The following TSHZ2 variants were observed in gnomAD, a reference collection of about 807,000 sequenced individuals.
TSHZ2 encodes teashirt zinc finger homeobox 2, also known as teashirt homolog 2.
TSHZ2 carries 21 observed loss-of-function variants against 74.4 expected under a neutral mutation model. That is an observed-to-expected ratio of 0.28 (90% CI 0.20 to 0.41). The LOEUF (loss-of-function observed/expected upper bound fraction) is 0.41, where lower values mean the gene tolerates loss of function less well. Among genes scored for constraint, TSHZ2 ranks in the 10% least tolerant of loss-of-function variants. The pLI, the probability that TSHZ2 is intolerant of heterozygous loss-of-function variation, is 1.00. For synonymous variants in TSHZ2, 540 were observed against 515.3 expected (o/e 1.05, Z -0.65); for missense variants, 1,244 against 1,293.5 (o/e 0.96, Z 0.59).
intron 1 of TSHZ2, 141 bp from the exon 2 acceptor site, chr20:53,253,358 G>C (rs1990371291): frequency 8.4e-7 from 1 of 1,184,668 alleles, no homozygotes; most frequent in African/African-American, 1.5e-5. Flanking sequence ...GGCTTTTCCT[G>C]TGTCCACTGC....
intron 1 of TSHZ2, among the ~76,000 whole-genome samples, chr20:52,993,820 T>A (rs143745396): frequency 6.6e-6 from 1 of 152,334 alleles, no homozygotes; most frequent in East Asian, 1.9e-4. Context: ...CAAACCAATT[T>A]GTGGATTGAG....
chr20:53,354,977 G>A (rs771865397), intron 2 of TSHZ2, among the ~76,000 whole-genome samples: 1 of 152,018 alleles, frequency 6.6e-6, no homozygotes, highest in Non-Finnish European at 1.5e-5. Context: ...TTGGGCAAGG[G>A]GGTTGGAAGT....
In TSHZ2 at chr20:53,255,251, C is replaced by T. The variant is rs927830838; in HGVS notation, c.1793C>T (p.Thr598Ile). The T allele has an allele frequency of 1.2e-6, 2 of 1,614,114 alleles. No individual in the cohort carries two copies. Among genetic ancestry groups the T allele is most frequent in the Non-Finnish European group, 1.7e-6 (2 of 1,180,046 alleles). ...ATGCCCACACACCTGGCCCCTTACA[C>T]TCAAGTCAAGAAAGAGTCAGAAGAC... ...VSMPTHLAPYTQVKKESEDKD... is the reference protein window; with the variant it reads ...VSMPTHLAPYIQVKKESEDKD... Residue 598 changes from threonine to isoleucine, a missense_variant, in exon 2 of 3, where the codon ACT (threonine) becomes ATT (isoleucine). Thr to Ile is a moderately conservative substitution (Grantham distance 89). Transcript: ENST00000371497. The surrounding 1 kb of genome is among the most constrained non-coding windows in gnomAD (Gnocchi z 4.1).
intron 2 of TSHZ2, among the ~76,000 whole-genome samples, chr20:53,429,895 T>C (rs1382587660): frequency 6.6e-6 from 1 of 152,158 alleles, no homozygotes; most frequent in African/African-American, 2.4e-5. Context: ...AATAATTCTC[T>C]GGGGTGGGCA....
intron 1 of TSHZ2, among the ~76,000 whole-genome samples, chr20:53,072,967 A>G (rs867929909): frequency 3.6e-5 from 4 of 111,674 alleles, no homozygotes; most frequent in Non-Finnish European, 8.8e-5. Flanking sequence ...TCATCCATCT[A>G]TCCCTCCATC....
intron 1 of TSHZ2, among the ~76,000 whole-genome samples, chr20:53,230,722 C>G (rs1989804404): frequency 6.6e-6 from 1 of 152,026 alleles, no homozygotes; most frequent in Non-Finnish European, 1.5e-5. Context: ...GAACCCTCGT[C>G]TTTACTAAAA....
In TSHZ2 at chr20:53,255,097, G is replaced by T. The variant is rs146846054; in HGVS notation, c.1639G>T (p.Ala547Ser). ...GAGTGCCTACCCCAGCATCCACGCA[G>T]CCTACCAGCTGTCTGAGGGCACCAA... ...SWSAYPSIHAAYQLSEGTKPP... is the reference protein window; with the variant it reads ...SWSAYPSIHASYQLSEGTKPP... Residue 547 changes from alanine to serine, a missense_variant, in exon 2 of 3, where the codon GCC (alanine) becomes TCC (serine). By Grantham distance (99) the Ala-to-Ser change is moderately conservative. Transcript: ENST00000371497. This position sits in a 1 kb window ranked among gnomAD's most constrained non-coding sequence, Gnocchi z 4.1. 8.9e-5 allele frequency: 143 copies of T among 1,613,994 alleles called. No homozygotes were observed. Among genetic ancestry groups the T allele is most frequent in the Middle Eastern group, 4.9e-4 (3 of 6,084 alleles).
At chr20:53,173,592 G>A (rs572384301) in intron 1 of TSHZ2, among the ~76,000 whole-genome samples, 18 of 152,106 alleles carry the variant, frequency 1.2e-4, no homozygotes, top group African/African-American at 4.1e-4. Flanking sequence ...TGGGCAACAG[G>A]GTGAGACTCC....
intron 2 of TSHZ2, among the ~76,000 whole-genome samples, chr20:53,303,844 C>A (rs572468346): frequency 1.3e-5 from 2 of 152,286 alleles, no homozygotes; most frequent in African/African-American, 4.8e-5. Context: ...AACCAGGGCT[C>A]ACCATGTTGT....
At chr20:53,152,773 A>G (rs1331633238) in intron 1 of TSHZ2, among the ~76,000 whole-genome samples, 3 of 152,204 alleles carry the variant, frequency 2.0e-5, no homozygotes, top group Non-Finnish European at 2.9e-5. Flanking sequence ...TCTGATTGGA[A>G]TGACAGGTGA....
At chr20:53,205,257 G>C (rs1989138458) in intron 1 of TSHZ2, among the ~76,000 whole-genome samples, 1 of 152,140 alleles carries the variant, frequency 6.6e-6, no homozygotes, top group Admixed American at 6.5e-5. Context: ...GAGGAGAGTT[G>C]GTGGCTGGCT....
chr20:53,059,302 C>T (rs1280159364), intron 1 of TSHZ2, among the ~76,000 whole-genome samples: 1 of 152,154 alleles, frequency 6.6e-6, no homozygotes, highest in East Asian at 1.9e-4. Flanking sequence ...CTCCATTTAT[C>T]AAGGGAGCAG....
chr20:53,093,988 GTT>G (rs10548699), intron 1 of TSHZ2, among the ~76,000 whole-genome samples: 100,062 of 145,456 alleles, frequency 0.69, 34,542 homozygotes, highest in East Asian at 0.95. Context: ...TTTTGACTTA[GTT>G]TTTTTTTTTT....
intron 2 of TSHZ2, among the ~76,000 whole-genome samples, chr20:53,290,026 G>A (rs1469176057): frequency 6.6e-6 from 1 of 152,154 alleles, no homozygotes; most frequent in Non-Finnish European, 1.5e-5. Flanking sequence ...TAATTCAGAG[G>A]ATTAGTTGTC....
chr20:53,357,221 G>A (rs1980879168), intron 2 of TSHZ2, among the ~76,000 whole-genome samples: 1 of 152,146 alleles, frequency 6.6e-6, no homozygotes, highest in Non-Finnish European at 1.5e-5. Context: ...TATTCTGCAT[G>A]CAATAATTCC....
At chr20:53,393,505 C>A (rs201287761) in intron 2 of TSHZ2, among the ~76,000 whole-genome samples, 1 of 152,156 alleles carries the variant, frequency 6.6e-6, no homozygotes, top group Non-Finnish European at 1.5e-5. Flanking sequence ...AAGTAATGCA[C>A]ATAAAACAGC....
At chr20:53,485,939 T>C (rs2065734257) in intron 2 of TSHZ2, among the ~76,000 whole-genome samples, 1 of 152,234 alleles carries the variant, frequency 6.6e-6, no homozygotes, top group Non-Finnish European at 1.5e-5. Flanking sequence ...TTGAGTGGCT[T>C]TGAGTACATT....
chr20:53,321,701 G>A (rs74346540), intron 2 of TSHZ2, among the ~76,000 whole-genome samples: 1,867 of 52,956 alleles, frequency 0.035, 2 homozygotes, highest in Middle Eastern at 0.077. Flanking sequence ...AAAAAAAAAA[G>A]AAAGACATTC....
intron 2 of TSHZ2, among the ~76,000 whole-genome samples, chr20:53,349,456 A>G (rs1249754473): frequency 6.6e-6 from 1 of 152,206 alleles, no homozygotes; most frequent in Non-Finnish European, 1.5e-5. Flanking sequence ...GTTCTAGACC[A>G]GCCTGGGTGA....
Sources: gnomAD v4.1 joint callset for allele counts (sites outside exome capture counted in the v4.1 genomes callset) on GRCh38, gnomAD v4.1.1 for gene constraint, Gnocchi (gnomAD v3.1) non-coding constraint, MANE v1.5 for transcripts, NCBI Gene and HGNC (gene_info 2026-07-23, HGNC 2026-07-21) for gene names.